Variants in PLPPR1 observed in about 807,000 individuals in gnomAD.
PLPPR1 encodes the protein phospholipid phosphatase related 1.
A neutral mutation model predicts 33.1 loss-of-function variants in PLPPR1; 10 were observed. The observed-to-expected ratio is 0.30, with a 90% CI of 0.19 to 0.51. The LOEUF (loss-of-function observed/expected upper bound fraction) is 0.51, where lower values mean the gene tolerates loss of function less well. Ranked by LOEUF, PLPPR1 falls within the 20% of genes least tolerant of loss-of-function variation. The probability of loss-of-function intolerance (pLI) is 0.97; values close to 1 mark genes in which losing one functional copy is unlikely to be tolerated. For synonymous variants in PLPPR1, 151 were observed against 151.0 expected, an observed-to-expected ratio of 1.00 and a Z score of 0.00; for missense variants, 304 against 408.1, an observed-to-expected ratio of 0.74 and a Z score of 2.20.
chr9:101,285,965 C>T (rs1380067578), intron 3 of PLPPR1, 139 bp from the exon 4 acceptor site: 31 of 605,572 alleles, frequency 5.1e-5, no homozygotes, highest in East Asian at 4.4e-4. Flanking sequence ...ATGCAAATTA[C>T]GATCTAATTC....
chr9:101,096,414 C>G (rs7866123), intron 1 of PLPPR1, among the ~76,000 whole-genome samples: 106,808 of 151,998 alleles, frequency 0.7, 37,671 homozygotes, highest in East Asian at 0.89. Flanking sequence ...AATGATCCAT[C>G]GGTGTCTACA....
rs188139068 is a variant in PLPPR1 at position 101,263,004 on chromosome 9, G to C, written c.64-6876G>C. Among the ~76,000 whole-genome samples, 938 of 149,448 alleles carry C rather than the reference G, an allele frequency of 6.3e-3. 7 individuals are homozygous for C. The highest frequency in any genetic ancestry group is 0.011 in the Admixed American group (156 of 14,828). On this transcript the variant is annotated intron_variant, in intron 2 of 7. Coordinates refer to ENST00000374874, the MANE Select transcript of PLPPR1 (RefSeq NM_207299.2). ...GAACATCGCACACCAGGGCCTGTCA[G>C]TGGGTAGGGGCCTGGGGGAGGGATA...
At chr9:101,271,551 C>G (rs1828102470) in intron 3 of PLPPR1, among the ~76,000 whole-genome samples, 1 of 152,168 alleles carries the variant, frequency 6.6e-6, no homozygotes, top group African/African-American at 2.4e-5. Flanking sequence ...CTCTTACCAG[C>G]CTACAGAATA....
intron 1 of PLPPR1, among the ~76,000 whole-genome samples, chr9:101,036,449 C>A (rs1279200882): frequency 6.6e-6 from 1 of 151,976 alleles, no homozygotes; most frequent in East Asian, 1.9e-4. Context: ...TGTCTTAGGG[C>A]TAGAGGAAAA....
rs138274292 is a variant in PLPPR1, at chr9:101,080,165, A to G, written c.-46+51063A>G. Among the ~76,000 whole-genome samples the G allele has an allele frequency of 5.4e-3, 821 of 152,080 alleles. 9 individuals are homozygous for G. The highest frequency in any genetic ancestry group is 0.023 in the South Asian group (109 of 4,820). On this transcript the variant is annotated intron_variant, in intron 1 of 7. Transcript: ENST00000374874. ...GATTCGATTTTTGAAATGTGAACAT[A>G]TTTAGAATCTCTGCATACTATGGAG...
chr9:101,065,558 C>A (rs1830401098), intron 1 of PLPPR1, among the ~76,000 whole-genome samples: 1 of 151,990 alleles, frequency 6.6e-6, no homozygotes, highest in Non-Finnish European at 1.5e-5. Context: ...GGTCACAATT[C>A]TGTAGGAAGA....
At chr9:101,110,100 G>A (rs1262033735) in intron 1 of PLPPR1, among the ~76,000 whole-genome samples, 1 of 152,168 alleles carries the variant, frequency 6.6e-6, no homozygotes, top group East Asian at 1.9e-4. Flanking sequence ...TGTATGTAAA[G>A]TGAATAATAT....
rs73656433 is a variant in PLPPR1 at position 101,060,760 on chromosome 9, C to T, written c.-46+31658C>T. On this transcript the variant is annotated intron_variant, in intron 1 of 7. Coordinates refer to ENST00000374874, the MANE Select transcript of PLPPR1 (RefSeq NM_207299.2). Reference sequence around the variant, plus strand: ...TGTGTTTTTCTCTCTAAAGTTGTCACTTTAGAATTTCTATATATAACTTAT... The same window carrying T: ...TGTGTTTTTCTCTCTAAAGTTGTCATTTTAGAATTTCTATATATAACTTAT... 1.2e-3 allele frequency among the ~76,000 whole-genome samples: 182 copies of T among 151,908 alleles called. 1 individual carries two copies. Among genetic ancestry groups the T allele is most frequent in the African/African-American group, 4.0e-3 (166 of 41,484 alleles).
intron 2 of PLPPR1, among the ~76,000 whole-genome samples, chr9:101,241,973 CAGAA>C: frequency 6.6e-6 from 1 of 152,148 alleles, no homozygotes; most frequent in South Asian, 2.1e-4. Flanking sequence ...ATCAGGAATT[CAGAA>C]AGAATCTGGC....
chr9:101,183,319 C>T (rs73656180), intron 1 of PLPPR1, among the ~76,000 whole-genome samples: 6,704 of 151,618 alleles, frequency 0.044, 512 homozygotes, highest in African/African-American at 0.15. Context: ...GAATATTATT[C>T]GGCAGTTAAA....
chr9:101,088,171 C>T (rs1468099424), intron 1 of PLPPR1, among the ~76,000 whole-genome samples: 19 of 152,106 alleles, frequency 1.2e-4, no homozygotes, highest in Admixed American at 1.1e-3. Context: ...TTGCAGGGAA[C>T]ATCAAGGAAT....
chr9:101,124,116 A>G (rs994607500), intron 1 of PLPPR1, among the ~76,000 whole-genome samples: 1 of 152,192 alleles, frequency 6.6e-6, no homozygotes, highest in African/African-American at 2.4e-5. Context: ...TAATTGAGCA[A>G]GGCACTTTCA....
At chr9:101,081,438 C>CCACCT (rs1048958464) in intron 1 of PLPPR1, among the ~76,000 whole-genome samples, 1 of 152,092 alleles carries the variant, frequency 6.6e-6, no homozygotes, top group Non-Finnish European at 1.5e-5. Flanking sequence ...CATGATCCAC[C>CCACCT]CACCTCAGCC....
intron 1 of PLPPR1, among the ~76,000 whole-genome samples, chr9:101,152,713 G>C (rs996074426): frequency 3.9e-5 from 6 of 152,026 alleles, no homozygotes; most frequent in African/African-American, 1.4e-4. Context: ...GGTGGTAGAT[G>C]TGTGGTATTA....
intron 2 of PLPPR1, among the ~76,000 whole-genome samples, chr9:101,258,242 A>G (rs1827836610): frequency 6.6e-6 from 1 of 152,146 alleles, no homozygotes; most frequent in African/African-American, 2.4e-5. Context: ...CAGAGTTAAT[A>G]TTCACTTCTT....
intron 2 of PLPPR1, among the ~76,000 whole-genome samples, chr9:101,214,392 T>C (rs942762788): frequency 2.6e-5 from 4 of 152,200 alleles, no homozygotes; most frequent in African/African-American, 9.6e-5. Context: ...GTTTATTATA[T>C]ATGTGATAGG....
intron 1 of PLPPR1, among the ~76,000 whole-genome samples, chr9:101,087,684 G>C (rs1055330358): frequency 6.6e-6 from 1 of 152,156 alleles, no homozygotes; most frequent in Non-Finnish European, 1.5e-5. Flanking sequence ...GATGTGAAGT[G>C]TCAATACATT....
At chr9:101,287,377 C>A (rs972911082) in intron 4 of PLPPR1, among the ~76,000 whole-genome samples, 1 of 152,040 alleles carries the variant, frequency 6.6e-6, no homozygotes, top group African/African-American at 2.4e-5. Context: ...TGATCACTTC[C>A]CAGAGGGGCA....
chr9:101,279,017 C>A (rs774500448), intron 3 of PLPPR1, among the ~76,000 whole-genome samples: 2 of 152,112 alleles, frequency 1.3e-5, no homozygotes, highest in Non-Finnish European at 2.9e-5. Flanking sequence ...TATCTCAATA[C>A]GCAGCCCCAA....
Sources: gnomAD v4.1 joint callset for allele counts (sites outside exome capture counted in the v4.1 genomes callset) on GRCh38, gnomAD v4.1.1 for gene constraint, MANE v1.5 for transcripts, NCBI Gene and HGNC (gene_info 2026-07-23, HGNC 2026-07-21) for gene names.